Variants in JAK3 observed in about 807,000 individuals in gnomAD.
JAK3 encodes Janus kinase 3, also known as tyrosine-protein kinase JAK3.
JAK3 carries 88 observed loss-of-function variants against 120.8 expected under a neutral mutation model. The observed-to-expected ratio is 0.73, with a 90% CI of 0.61 to 0.87. The LOEUF (loss-of-function observed/expected upper bound fraction) is 0.87. Ranked by LOEUF, JAK3 falls within the 40% of genes least tolerant of loss-of-function variation. The pLI, the probability that JAK3 is intolerant of heterozygous loss-of-function variation, is 0.00. For missense variants in JAK3, 1,254 were observed against 1,501.4 expected, an observed-to-expected ratio of 0.84 and a Z score of 2.72; for synonymous variants, 592 against 628.6, an observed-to-expected ratio of 0.94 and a Z score of 0.87.
chr19:17,833,191 T>G (rs1375223992), intron 17 of JAK3, among the ~76,000 whole-genome samples: 1 of 152,218 alleles, frequency 6.6e-6, no homozygotes, highest in Non-Finnish European at 1.5e-5. Context: ...GAGAACTCAT[T>G]TCCCCAGTTC....
At position 17,834,572 on chromosome 19, in the gene JAK3, T is replaced by G; in HGVS notation, c.2349A>C (p.Ser783=). 1 of 1,173,048 alleles carries G rather than the reference T, an allele frequency of 8.5e-7. No homozygotes were observed. Among genetic ancestry groups the G allele is most frequent in the Non-Finnish European group, 1.2e-6 (1 of 832,538 alleles). The allele number at this position is 1,173,048 out of a possible 1,614,324, so 72.7% of individuals were successfully genotyped here. Residue 783 remains serine (S), a splice_region_variant and synonymous_variant, in exon 17 of 24, where the codon TCA becomes TCC. Transcript: ENST00000458235. ...VIRDLNSLIS[S]DYELLSDPTP... is the part of the protein sequence containing the mutation. ...CACCCAACCCGTCCCAGCGGGCACCTGAAGAGATGAGGCTATTGAGGTCAC... is the reference window on the plus strand; with the variant it reads ...CACCCAACCCGTCCCAGCGGGCACCGGAAGAGATGAGGCTATTGAGGTCAC...
intron 17 of JAK3, among the ~76,000 whole-genome samples, chr19:17,834,150 C>G (rs2094219552): frequency 6.6e-6 from 1 of 152,066 alleles, no homozygotes; most frequent in Non-Finnish European, 1.5e-5. Context: ...GAGTTCGAGA[C>G]CAGCCTAGCC....
Position 17,830,496 on chromosome 19 carries a change from G to A in JAK3, c.3096+7C>T. ...AGAAGGCTGGGGGCTCTGGGAAGCC[G>A]ACTCACGGCCGAGGGGCTGCAGCTT... On this transcript the variant is annotated splice_region_variant and intron_variant, in intron 22 of 23. Coordinates refer to ENST00000458235, the MANE Select transcript of JAK3 (RefSeq NM_000215.4). 1 of 1,609,592 alleles carries A rather than the reference G, an allele frequency of 6.2e-7. No individual in the cohort carries two copies. Among genetic ancestry groups the A allele is most frequent in the Non-Finnish European group, 8.5e-7 (1 of 1,176,606 alleles).
intron 1 of JAK3, among the ~76,000 whole-genome samples, chr19:17,845,487 A>T (rs1162875617): frequency 6.6e-6 from 1 of 152,100 alleles, no homozygotes; most frequent in East Asian, 1.9e-4. Context: ...ACTGGGCAAT[A>T]TAGTGAGACC....
In JAK3 at chr19:17,842,999, GC is replaced by G. The variant is rs1293189454; in HGVS notation, c.566+27del. The G allele has an allele frequency of 1.2e-6, 2 of 1,608,064 alleles. No individual in the cohort carries two copies. Among genetic ancestry groups the G allele is most frequent in the South Asian group, 1.1e-5 (1 of 91,064 alleles). The stretch of plus-strand genomic sequence containing the variant: ...CCACGTTGCTCACTCCCAAGCAGAG[GC>G]CGTCCCCACAGCCTGGTGGCTCTCA... On this transcript the variant is annotated intron_variant, in intron 5 of 23. Coordinates refer to ENST00000458235, the MANE Select transcript of JAK3 (RefSeq NM_000215.4). This position sits in a 1 kb window ranked among gnomAD's most constrained non-coding sequence, Gnocchi z 6.4.
At chr19:17,836,128 C>A in intron 13 of JAK3, 77 bp from the exon 14 acceptor site, 1 of 1,521,608 alleles carries the variant, frequency 6.6e-7, no homozygotes, top group African/African-American at 1.4e-5. Flanking sequence ...AACACCCTGG[C>A]TCTCAGGGTC....
intron 12 of JAK3, among the ~76,000 whole-genome samples, chr19:17,837,536 C>T (rs1568403920): frequency 6.6e-6 from 1 of 152,178 alleles, no homozygotes; most frequent in Non-Finnish European, 1.5e-5. Context: ...CTGCCTCAGC[C>T]TCCCGAGTAG....
intron 10 of JAK3, 139 bp from the exon 11 acceptor site, chr19:17,838,529 T>G: frequency 1.1e-6 from 1 of 926,492 alleles, no homozygotes; most frequent in Non-Finnish European, 1.7e-6. Flanking sequence ...TGGCTTTTTG[T>G]TGTTGTTTTT....
chr19:17,838,742 G>A (rs1356554753), intron 10 of JAK3, among the ~76,000 whole-genome samples: 1 of 125,648 alleles, frequency 8.0e-6, no homozygotes. Context: ...TTGAGACAGA[G>A]TCTCGCTCTG....
rs1160315150 is a variant in JAK3, at chr19:17,841,463, C to T, written c.1068G>A (p.Gln356=). 5 of 1,558,322 alleles carry T rather than the reference C, an allele frequency of 3.2e-6. No homozygotes were observed. In the African/African-American group the frequency reaches 4.1e-5, roughly 13 times the overall value. The change falls in exon 8 of 24, where the codon CAG becomes CAA. Residue 356 remains glutamine, a synonymous_variant. Transcript: ENST00000458235. This position sits in a 1 kb window ranked among gnomAD's most constrained non-coding sequence, Gnocchi z 4.1. ...GTGCCACCTCCTTGCAGAAGAAGTG[C>T]TGGGAGTCCGTGGTCAGCCGGAAGT... The part of the protein sequence containing the change: ...DGYFRLTTDS[Q]HFFCKEVAPP...
intron 13 of JAK3, chr19:17,836,810 C>T (rs1439094906): frequency 2.1e-6 from 1 of 482,726 alleles, no homozygotes; most frequent in Non-Finnish European, 3.9e-6. Context: ...TCTGTCCCAG[C>T]TCCTGGCCCA....
rs147898549 is a variant in JAK3 at position 17,832,909 on chromosome 19, G to T, written c.2371C>A (p.Pro791Thr). The change falls in exon 18 of 24, where the codon CCC (proline) becomes ACC (threonine). Residue 791 changes from proline (P) to threonine (T), a missense_variant. By Grantham distance (38) the Pro-to-Thr change is conservative (BLOSUM62 -1). This residue lies in a region of JAK3 where 630 missense variants were observed against 819.8 expected (regional missense o/e 0.77). Coordinates refer to ENST00000458235, the MANE Select transcript of JAK3 (RefSeq NM_000215.4). This position sits in a 1 kb window ranked among gnomAD's most constrained non-coding sequence, Gnocchi z 4.7. ...CGAGGTGCCAGGGCACCAGGTGTGG[G>T]GTCTGAGAGGAGCTCATAGTCTGGG... ...ISSDYELLSD[P>T]TPGALAPRDG... is the part of the protein sequence containing the mutation. 1 of 1,614,004 alleles carries T rather than the reference G, an allele frequency of 6.2e-7. No homozygotes were observed. Among genetic ancestry groups the T allele is most frequent in the Admixed American group, 1.7e-5 (1 of 59,994 alleles).
chr19:17,835,993 A>G lies in JAK3; in HGVS notation c.1845T>C (p.Arg615=). The G allele has an allele frequency of 6.2e-7, 1 of 1,614,146 alleles. No homozygotes were observed. The highest frequency in any genetic ancestry group is 8.5e-7 in the Non-Finnish European group (1 of 1,180,046). Residue 615 remains arginine (R), a synonymous_variant, in exon 14 of 24, where the codon CGT becomes CGC. Coordinates refer to ENST00000458235, the MANE Select transcript of JAK3 (RefSeq NM_000215.4). ...LGAIDMYLRK[R]GHLVPASWKL... is the part of the protein sequence containing the mutation. ...TCCAGCTGGCTGGCACCAGGTGGCCACGTTTTCGCAGATACATGTCTATGG... is the reference window on the plus strand; with the variant it reads ...TCCAGCTGGCTGGCACCAGGTGGCCGCGTTTTCGCAGATACATGTCTATGG...
intron 1 of JAK3, among the ~76,000 whole-genome samples, chr19:17,845,200 C>T (rs995859563): frequency 3.3e-5 from 5 of 152,050 alleles, no homozygotes; most frequent in African/African-American, 4.8e-5. Flanking sequence ...CAGAGTCTCG[C>T]GCTGTCACCC....
chr19:17,830,656 T>A, intron 21 of JAK3, 36 bp from the exon 22 acceptor site: 1 of 1,556,678 alleles, frequency 6.4e-7, no homozygotes, highest in Non-Finnish European at 8.9e-7. Flanking sequence ...TGCGAGGGTG[T>A]AGAAAGGACA....
intron 14 of JAK3, 67 bp downstream of exon 14, chr19:17,835,857 A>T: frequency 6.2e-7 from 1 of 1,604,154 alleles, no homozygotes; most frequent in Middle Eastern, 1.7e-4. Context: ...CCCACTCCCA[A>T]TTCCTCTTCC....
In JAK3 at chr19:17,841,451, G is replaced by A. The variant is rs564076549; in HGVS notation, c.1080C>T (p.Cys360=). Residue 360 remains cysteine (C), a synonymous_variant, in exon 8 of 24, where the codon TGC becomes TGT. Coordinates refer to ENST00000458235, the MANE Select transcript of JAK3 (RefSeq NM_000215.4). The surrounding 1 kb of genome is among the most constrained non-coding windows in gnomAD (Gnocchi z 4.1). ...GCAGCCTCGGCGGTGCCACCTCCTTGCAGAAGAAGTGCTGGGAGTCCGTGG... is the reference window on the plus strand; with the variant it reads ...GCAGCCTCGGCGGTGCCACCTCCTTACAGAAGAAGTGCTGGGAGTCCGTGG... The part of the protein sequence containing the change: ...RLTTDSQHFF[C]KEVAPPRLLE... The A allele has an allele frequency of 3.9e-6, 6 of 1,556,248 alleles. No homozygotes were observed. The highest frequency in any genetic ancestry group is 3.9e-5 in the Admixed American group (2 of 51,412).
rs754298986 is a variant in JAK3, at chr19:17,839,536, C to T, written c.1382G>A (p.Gly461Glu). Residue 461 changes from glycine to glutamate, a missense_variant, in exon 10 of 24, where the codon GGG becomes GAG. Physicochemically the swap from Gly to Glu is moderately conservative, Grantham distance 98. Coordinates refer to ENST00000458235, the MANE Select transcript of JAK3 (RefSeq NM_000215.4). ...RELLATCWDG[G>E]LHVDGVAVTL... ...CACTGCCACCCCATCTACGTGCAGC[C>T]CCCCATCCCAGCAGGTTGCCAGGAG... 6 of 1,603,444 alleles carry T rather than the reference C, an allele frequency of 3.7e-6. No homozygotes were observed. In the South Asian group the frequency reaches 5.6e-5, roughly 15 times the overall value.
At chr19:17,847,556 C>T (rs1055804641) in intron 1 of JAK3, among the ~76,000 whole-genome samples, 1 of 152,256 alleles carries the variant, frequency 6.6e-6, no homozygotes, top group South Asian at 2.1e-4. Context: ...GTTTATAATC[C>T]TCAACGTTCT....
Sources: allele counts gnomAD v4.1 joint callset (sites outside exome capture counted in the v4.1 genomes callset), GRCh38; gene constraint gnomAD v4.1.1; regional missense constraint gnomAD v4.1.1; non-coding constraint Gnocchi (gnomAD v3.1); transcripts MANE v1.5; gene names NCBI Gene and HGNC (gene_info 2026-07-23, HGNC 2026-07-21).